The following PRCP variants were observed in gnomAD, a reference collection of about 807,000 sequenced individuals.
PRCP encodes the protein lysosomal Pro-X carboxypeptidase.
In PRCP, 46 loss-of-function variants were observed where a neutral mutation model predicts 54.2. The observed-to-expected ratio is 0.85, with a 90% confidence interval of 0.67 to 1.09. PRCP has a LOEUF of 1.09. PRCP is among the 50% of genes least tolerant of loss of function. PRCP has a pLI of 0.00. For synonymous variants in PRCP, 240 were observed against 212.2 expected, an observed-to-expected ratio of 1.13 and a Z score of -1.14; for missense variants, 613 against 596.8, an observed-to-expected ratio of 1.03 and a Z score of -0.28.
intron 8 of PRCP, chr11:82,828,860 C>T (rs1858307100): frequency 6.6e-6 from 1 of 152,192 alleles, no homozygotes; most frequent in African/African-American, 2.4e-5. Context: ...CTCCTCCTGC[C>T]ATCTTCTCCA....
At chr11:82,861,600 G>A (rs772032661) in intron 1 of PRCP, among the ~76,000 whole-genome samples, 7 of 152,016 alleles carry the variant, frequency 4.6e-5, no homozygotes, top group Middle Eastern at 3.2e-3. Flanking sequence ...TATTCCTGCC[G>A]AAAATGTTTC....
At chr11:82,838,771 G>A (rs1858591849) in intron 7 of PRCP, among the ~76,000 whole-genome samples, 197 bp from the exon 8 acceptor site, 1 of 152,110 alleles carries the variant, frequency 6.6e-6, no homozygotes, top group Non-Finnish European at 1.5e-5. Context: ...AAGAAGTCAC[G>A]GAAGTCAGGA....
intron 8 of PRCP, among the ~76,000 whole-genome samples, chr11:82,833,987 T>A (rs1313688283): frequency 2.0e-5 from 3 of 152,160 alleles, no homozygotes; most frequent in Admixed American, 2.0e-4. Flanking sequence ...ATGATCATCA[T>A]CATCGCTTTG....
chr11:82,830,218 A>G (rs1224133098), intron 8 of PRCP: 1 of 152,234 alleles, frequency 6.6e-6, no homozygotes, highest in Non-Finnish European at 1.5e-5. Context: ...TGTAAGCATA[A>G]TAAGTATTAC....
intron 1 of PRCP, among the ~76,000 whole-genome samples, chr11:82,884,641 C>T (rs1046581358): frequency 2.0e-5 from 3 of 152,134 alleles, no homozygotes; most frequent in African/African-American, 7.2e-5. Flanking sequence ...ACCAAGGCAC[C>T]TTTTAACACC....
At chr11:82,875,868 C>A (rs969178934) in intron 1 of PRCP, among the ~76,000 whole-genome samples, 1 of 152,152 alleles carries the variant, frequency 6.6e-6, no homozygotes, top group Non-Finnish European at 1.5e-5. Flanking sequence ...CCAGCCTCGT[C>A]TTCTACCACA....
intron 1 of PRCP, among the ~76,000 whole-genome samples, chr11:82,871,177 C>CTTTT (rs146234682): frequency 1.2e-4 from 14 of 117,390 alleles, no homozygotes; most frequent in South Asian, 2.7e-4. Context: ...AAATGTTTCT[C>CTTTT]TTTTTTTTTT....
At chr11:82,887,112 T>C (rs1859878308) in intron 1 of PRCP, among the ~76,000 whole-genome samples, 1 of 152,210 alleles carries the variant, frequency 6.6e-6, no homozygotes, top group Admixed American at 6.5e-5. Context: ...ACCTTCTACC[T>C]TGACAGAAAT....
intron 1 of PRCP, among the ~76,000 whole-genome samples, chr11:82,864,980 G>A (rs1859297256): frequency 6.6e-6 from 1 of 151,990 alleles, no homozygotes; most frequent in Non-Finnish European, 1.5e-5. Context: ...GGGGGTGGGA[G>A]AGGTGGGGAT....
At chr11:82,837,659 T>G (rs1006689841) in intron 8 of PRCP, among the ~76,000 whole-genome samples, 2 of 152,252 alleles carry the variant, frequency 1.3e-5, no homozygotes, top group Non-Finnish European at 2.9e-5. Flanking sequence ...AACTTGTTGC[T>G]ATTTTAATAG....
intron 6 of PRCP, among the ~76,000 whole-genome samples, chr11:82,842,198 T>G (rs1425164829): frequency 6.6e-6 from 1 of 151,624 alleles, no homozygotes; most frequent in Non-Finnish European, 1.5e-5. Flanking sequence ...AGAAAAGGAG[T>G]CCCTATGAAT....
At chr11:82,825,847 AC>A (rs1858216663) in intron 8 of PRCP, 1 of 152,242 alleles carries the variant, frequency 6.6e-6, no homozygotes, top group Non-Finnish European at 1.5e-5. Flanking sequence ...GGTTCACACA[AC>A]ACAATTCAGA....
Position 82,880,028 on chromosome 11 carries a change from C to T in PRCP, c.169-19911G>A, listed in dbSNP as rs186248782. 1.7e-3 allele frequency among the ~76,000 whole-genome samples: 257 copies of T among 152,338 alleles called. 3 individuals carry two copies. Among genetic ancestry groups the T allele is most frequent in the Non-Finnish European group, 2.8e-3 (192 of 68,032 alleles). ...AGTCTGTCCATTCTCAGATCTCAAACTCCATGCTGGGAGAACCACTACTCT... is the reference window on the plus strand; with the variant it reads ...AGTCTGTCCATTCTCAGATCTCAAATTCCATGCTGGGAGAACCACTACTCT... On this transcript the variant is annotated intron_variant, in intron 1 of 8. Coordinates refer to ENST00000313010, the MANE Select transcript of PRCP (RefSeq NM_005040.4).
rs560436538 is a variant in PRCP at position 82,869,253 on chromosome 11, C to T, written c.169-9136G>A. Among the ~76,000 whole-genome samples the T allele has an allele frequency of 4.7e-5, 7 of 150,362 alleles. No homozygotes were observed. In the South Asian group the frequency reaches 1.3e-3, roughly 27 times the overall value. On this transcript the variant is annotated intron_variant, in intron 1 of 8. Coordinates refer to ENST00000313010, the MANE Select transcript of PRCP (RefSeq NM_005040.4). ...TGCCTATAGTCCTAGCTACTCAGGA[C>T]GCTGAGATCAGAGGATCCCTTGAGC... is the stretch of plus-strand genomic sequence containing the variant.
intron 8 of PRCP, 165 bp from the exon 9 acceptor site, chr11:82,825,287 A>C: frequency 1.5e-6 from 1 of 660,262 alleles, no homozygotes; most frequent in Non-Finnish European, 2.5e-6. Context: ...GATACTTCAT[A>C]CTGGAGTTTT....
chr11:82,851,798 G>A (rs1858963981), intron 3 of PRCP, among the ~76,000 whole-genome samples: 1 of 151,926 alleles, frequency 6.6e-6, no homozygotes, highest in Non-Finnish European at 1.5e-5. Flanking sequence ...GAATCACATA[G>A]ATCCCATCTT....
chr11:82,883,683 T>C (rs1413964626), intron 1 of PRCP, among the ~76,000 whole-genome samples: 2 of 152,216 alleles, frequency 1.3e-5, no homozygotes, highest in Non-Finnish European at 2.9e-5. Context: ...TCAATTAGTG[T>C]TGACTGCACT....
chr11:82,850,753 T>C (rs146369915), intron 3 of PRCP, among the ~76,000 whole-genome samples: 100 of 152,296 alleles, frequency 6.6e-4, no homozygotes, highest in Admixed American at 3.5e-3. Context: ...CAGAAACAAA[T>C]TGTAGGTAAA....
intron 1 of PRCP, among the ~76,000 whole-genome samples, chr11:82,860,660 T>C (rs1341900115): frequency 6.6e-6 from 1 of 152,138 alleles, no homozygotes; most frequent in Non-Finnish European, 1.5e-5. Context: ...AATACAGTTT[T>C]CCATTACTAT....
Sources: gnomAD v4.1 joint callset for allele counts (sites outside exome capture counted in the v4.1 genomes callset) on GRCh38, gnomAD v4.1.1 for gene constraint, MANE v1.5 for transcripts, NCBI Gene and HGNC (gene_info 2026-07-23, HGNC 2026-07-21) for gene names.